Variants in TNRC6C observed in about 807,000 individuals in gnomAD.
TNRC6C encodes the protein trinucleotide repeat containing adaptor 6C, also known as trinucleotide repeat-containing gene 6C protein.
Under a neutral mutation model 153.7 loss-of-function variants are expected in TNRC6C, and 20 were observed. The ratio of observed to expected loss-of-function variants is 0.13; its 90% CI spans 0.09 to 0.19. The LOEUF (loss-of-function observed/expected upper bound fraction) is 0.19. TNRC6C is among the 10% of genes least tolerant of loss of function. The pLI, the probability that TNRC6C is intolerant of heterozygous loss-of-function variation, is 1.00. For missense variants in TNRC6C, 1,987 were observed against 2,172.0 expected (o/e 0.91, Z 1.69); for synonymous variants, 811 against 841.4 (o/e 0.96, Z 0.63).
chr17:77,969,286 T>C, intron 1 of TNRC6C, among the ~76,000 whole-genome samples: 1 of 151,914 alleles, frequency 6.6e-6, no homozygotes, highest in East Asian at 1.9e-4. Context: ...AGAGTCTCGC[T>C]GTCACCAGGC....
At chr17:77,991,389 G>A (rs370583141) in intron 1 of TNRC6C, among the ~76,000 whole-genome samples, 6 of 152,166 alleles carry the variant, frequency 3.9e-5, no homozygotes, top group Admixed American at 2.0e-4. Context: ...CCCTGAATGC[G>A]TTCTCCCCAT....
chr17:78,050,315 A>G, exon 3 of TNRC6C: 1 of 1,576,558 alleles, frequency 6.3e-7, no homozygotes, highest in South Asian at 1.2e-5. Flanking sequence ...GGAACGGGAG[A>G]AGGCCGAAGG....
Position 78,104,409 on chromosome 17 carries a change from T to C in TNRC6C, c.4713-76T>C. The C allele has an allele frequency of 7.1e-7, 1 of 1,417,324 alleles. No homozygotes were observed. The highest frequency in any genetic ancestry group is 9.2e-7 in the Non-Finnish European group (1 of 1,084,098). The allele number at this position is 1,417,324 out of a possible 1,614,324, so 87.8% of individuals were successfully genotyped here. A position where few individuals can be genotyped will look rare whatever the true frequency, so the allele number is the denominator to read the frequency against. On this transcript the variant is annotated intron_variant, in intron 19 of 19. Coordinates refer to ENST00000301624, the Ensembl canonical transcript of TNRC6C. This position sits in a 1 kb window ranked among gnomAD's most constrained non-coding sequence, Gnocchi z 6.2. The stretch of plus-strand genomic sequence containing the variant: ...GGCTTCCATGTGGGGCCGTTCCCAA[T>C]ACAGAGAAAGCCAGTGCCACGAACT...
intron 1 of TNRC6C, among the ~76,000 whole-genome samples, chr17:77,967,019 G>A (rs2070902133): frequency 6.6e-6 from 1 of 152,044 alleles, no homozygotes; most frequent in African/African-American, 2.4e-5. Context: ...TTAAACTTAA[G>A]GAATAATAGA....
chr17:78,083,211 C>G, intron 11 of TNRC6C, 45 bp downstream of exon 13: 1 of 1,610,148 alleles, frequency 6.2e-7, no homozygotes, highest in Non-Finnish European at 8.5e-7. Context: ...AGGCCGAGTG[C>G]AGATGCACGG....
intron 1 of TNRC6C, among the ~76,000 whole-genome samples, chr17:77,972,169 C>A (rs1466477594): frequency 6.6e-6 from 1 of 151,988 alleles, no homozygotes; most frequent in Non-Finnish European, 1.5e-5. Context: ...AAACCCATAG[C>A]TAGACTGACC....
intron 13 of TNRC6C, among the ~76,000 whole-genome samples, chr17:78,087,409 T>C (rs1272364606): frequency 6.6e-6 from 1 of 152,146 alleles, no homozygotes; most frequent in Non-Finnish European, 1.5e-5. Flanking sequence ...TGAGCCACCA[T>C]GCCCAGCCTC....
intron 1 of TNRC6C, among the ~76,000 whole-genome samples, chr17:77,969,948 TAAG>T: frequency 6.6e-6 from 1 of 152,310 alleles, no homozygotes; most frequent in South Asian, 2.1e-4. Flanking sequence ...GTTAATGGGG[TAAG>T]CTAGAAGTAA....
At chr17:78,074,720 C>T (rs1240632406) in intron 7 of TNRC6C, among the ~76,000 whole-genome samples, 2 of 152,168 alleles carry the variant, frequency 1.3e-5, no homozygotes, top group Admixed American at 6.5e-5. Context: ...ACAGAATAAT[C>T]GGGAAGGCCC....
chr17:78,086,839 T>C lies in TNRC6C; in HGVS notation c.3562-14T>C. ...TTCCCACCTAGTTAACGCACCTATGTCTCTGCCTGCCAGGTTGCGCGCACA... is the reference window on the plus strand; with the variant it reads ...TTCCCACCTAGTTAACGCACCTATGCCTCTGCCTGCCAGGTTGCGCGCACA... On this transcript the variant is annotated splice_polypyrimidine_tract_variant and intron_variant, in intron 12 of 19. Transcript: ENST00000301624. 5 of 1,610,262 alleles carry C rather than the reference T, an allele frequency of 3.1e-6. No individual in the cohort carries two copies. Among genetic ancestry groups the C allele is most frequent in the Non-Finnish European group, 4.2e-6 (5 of 1,178,870 alleles).
At chr17:77,964,661 A>T (rs1347773794) in intron 1 of TNRC6C, among the ~76,000 whole-genome samples, 1 of 152,246 alleles carries the variant, frequency 6.6e-6, no homozygotes, top group East Asian at 1.9e-4. Flanking sequence ...TTAAACTAAG[A>T]TCTGAAACTG....
chr17:78,067,593 G>A (rs892095623), intron 4 of TNRC6C, among the ~76,000 whole-genome samples, 164 bp from the exon 7 acceptor site: 6 of 152,188 alleles, frequency 3.9e-5, no homozygotes, highest in African/African-American at 1.4e-4. Context: ...ATTTACATAT[G>A]TAGCAAGAGA....
intron 1 of TNRC6C, among the ~76,000 whole-genome samples, chr17:78,014,535 G>C (rs1338864772): frequency 6.6e-6 from 1 of 151,380 alleles, no homozygotes; most frequent in Non-Finnish European, 1.5e-5. Flanking sequence ...GAATATCCAA[G>C]GGCCAAAACA....
chr17:78,072,590 A>G (rs570058678), intron 6 of TNRC6C, among the ~76,000 whole-genome samples: 4 of 152,248 alleles, frequency 2.6e-5, no homozygotes, highest in African/African-American at 9.6e-5. Context: ...TGTTGTACAG[A>G]ATGATTTTAG....
chr17:77,981,562 T>C (rs533862586), intron 1 of TNRC6C, among the ~76,000 whole-genome samples: 1 of 152,330 alleles, frequency 6.6e-6, no homozygotes, highest in African/African-American at 2.4e-5. Context: ...CAAAGATAAA[T>C]ATAGTTTAAA....
exon 3 of TNRC6C, chr17:78,051,217 C>T (rs769564663): frequency 6.4e-6 from 10 of 1,565,998 alleles, no homozygotes; most frequent in Non-Finnish European, 6.1e-6. Context: ...ACCGTCCATT[C>T]GCCGCAAAAT....
intron 6 of TNRC6C, among the ~76,000 whole-genome samples, chr17:78,072,328 T>C (rs2073013485): frequency 6.6e-6 from 1 of 152,254 alleles, no homozygotes; most frequent in East Asian, 1.9e-4. Flanking sequence ...ATGAATCTAC[T>C]TGTTTTGTTT....
intron 10 of TNRC6C, among the ~76,000 whole-genome samples, chr17:78,082,575 G>A (rs540408420): frequency 9.7e-4 from 147 of 152,252 alleles, no homozygotes; most frequent in African/African-American, 2.9e-3. Flanking sequence ...TCTCAGAAGG[G>A]AGTATGCCTT....
chr17:77,993,309 C>A (rs749227099), intron 1 of TNRC6C, among the ~76,000 whole-genome samples: 6 of 152,104 alleles, frequency 3.9e-5, no homozygotes, highest in Non-Finnish European at 8.8e-5. Context: ...CAAAAGGTGG[C>A]AATTAGCAGT....
Sources: gnomAD v4.1 joint callset for allele counts (sites outside exome capture counted in the v4.1 genomes callset) on GRCh38, gnomAD v4.1.1 for gene constraint, Gnocchi (gnomAD v3.1) non-coding constraint, MANE v1.5 for transcripts, NCBI Gene and HGNC (gene_info 2026-07-23, HGNC 2026-07-21) for gene names.